The following RASSF6 variants were observed in gnomAD, a reference collection of about 807,000 sequenced individuals.
RASSF6 encodes the protein Ras association domain family member 6.
RASSF6 carries 52 observed loss-of-function variants against 44.0 expected under a neutral mutation model. The ratio of observed to expected loss-of-function variants is 1.18; its 90% confidence interval spans 0.95 to 1.49. The LOEUF is 1.49. RASSF6 is among the 40% of genes most tolerant of loss of function. RASSF6 has a pLI of 0.00. For missense variants in RASSF6, 464 were observed against 393.3 expected (o/e 1.18, Z -1.52); for synonymous variants, 162 against 124.6 (o/e 1.30, Z -2.00).
At chr4:73,582,703 T>G (rs984358073) in intron 6 of RASSF6, among the ~76,000 whole-genome samples, 1 of 151,914 alleles carries the variant, frequency 6.6e-6, no homozygotes, top group Non-Finnish European at 1.5e-5. Context: ...AGAAATGGGG[T>G]GGGTTCAGCA....
Position 73,598,735 on chromosome 4 carries a change from AT to A in RASSF6, c.66-18del, listed in dbSNP as rs753246558. 44 of 773,958 alleles carry A rather than the reference AT, an allele frequency of 5.7e-5. 1 individual carries two copies. Among genetic ancestry groups the A allele is most frequent in the South Asian group, 2.4e-4 (14 of 58,312 alleles). 47.9% of individuals were successfully genotyped at this position (773,958 alleles called of 1,614,324 possible). A position where few individuals can be genotyped will look rare whatever the true frequency, so the allele number is the denominator to read the frequency against. On this transcript the variant is annotated intron_variant, in intron 2 of 10. Coordinates refer to ENST00000307439, the MANE Select transcript of RASSF6 (RefSeq NM_177532.5). ...AGTTGTTCCCTAAAAATAAAAAAAA[AT>A]TAATTACAATCAGTCTTAGAGTTTT...
chr4:73,606,023 A>T (rs1578057316), intron 2 of RASSF6, among the ~76,000 whole-genome samples: 2 of 152,366 alleles, frequency 1.3e-5, no homozygotes, highest in South Asian at 4.1e-4. Flanking sequence ...TCAAAAATCT[A>T]AAAGTTGAAC....
At chr4:73,578,657 G>A (rs1055502239) in intron 8 of RASSF6, among the ~76,000 whole-genome samples, 8 of 144,364 alleles carry the variant, frequency 5.5e-5, no homozygotes, top group African/African-American at 1.3e-4. Flanking sequence ...TTTTTTAGAC[G>A]GAGTGCAATG....
chr4:73,582,839 A>AACAC (rs141094236), intron 6 of RASSF6, among the ~76,000 whole-genome samples: 1,869 of 151,622 alleles, frequency 0.012, 38 homozygotes, highest in African/African-American at 0.041. Flanking sequence ...CCACACATGT[A>AACAC]ACACGCACAC....
At chr4:73,587,352 A>G (rs1447998078) in intron 5 of RASSF6, among the ~76,000 whole-genome samples, 1 of 152,060 alleles carries the variant, frequency 6.6e-6, no homozygotes, top group Non-Finnish European at 1.5e-5. Context: ...AACTCTATCA[A>G]ATATAAAATT....
At chr4:73,580,053 T>C (rs1474215692) in intron 8 of RASSF6, among the ~76,000 whole-genome samples, 4 of 123,756 alleles carry the variant, frequency 3.2e-5, no homozygotes, top group South Asian at 2.9e-4. Context: ...CCCCAGAGTG[T>C]GATGTTCCCC....
At chr4:73,588,012 T>A in intron 4 of RASSF6, 78 bp from the exon 5 acceptor site, 1 of 895,828 alleles carries the variant, frequency 1.1e-6, no homozygotes, top group Non-Finnish European at 1.8e-6. Context: ...TTTACAATAT[T>A]AATATAGTAA....
chr4:73,595,112 C>G (rs1724839851), intron 3 of RASSF6, among the ~76,000 whole-genome samples: 1 of 152,182 alleles, frequency 6.6e-6, no homozygotes, highest in Admixed American at 6.5e-5. Flanking sequence ...ATTGAAAAGT[C>G]TGGTAGCCTC....
At chr4:73,576,385 T>C (rs72858993) in intron 10 of RASSF6, 25 bp downstream of exon 10, 38,055 of 1,477,632 alleles carry the variant, frequency 0.026, 765 homozygotes, top group Middle Eastern at 0.067. Context: ...GAACGGAGTA[T>C]CCAATGTGCA....
At chr4:73,590,701 A>G (rs991935504) in intron 4 of RASSF6, among the ~76,000 whole-genome samples, 3 of 152,202 alleles carry the variant, frequency 2.0e-5, no homozygotes, top group Non-Finnish European at 4.4e-5. Flanking sequence ...CTCTTGGCTA[A>G]TTAATGACAA....
In RASSF6 at chr4:73,598,711, G is replaced by C. The variant is rs772616485; in HGVS notation, c.73C>G (p.Leu25Val). ...TTATAGGTCTTCAATAAAGAATTAA[G>C]TTGTTCCCTAAAAATAAAAAAAAAT... ...NEKTFITREQLNSLLKTYNIF... is the reference protein window; with the variant it reads ...NEKTFITREQVNSLLKTYNIF... The change falls in exon 3 of 11, where the codon CTT (leucine) becomes GTT (valine). Residue 25 changes from leucine to valine, a missense_variant. By Grantham distance (32) the Leu-to-Val change is conservative (BLOSUM62 1). Transcript: ENST00000307439. 2.3e-6 allele frequency: 3 copies of C among 1,310,480 alleles called. No homozygotes were observed. The highest frequency in any genetic ancestry group is 3.1e-6 in the Non-Finnish European group (3 of 975,346). 81.2% of individuals were successfully genotyped at this position (1,310,480 alleles called of 1,614,324 possible).
At chr4:73,589,733 T>C (rs1724382066) in intron 4 of RASSF6, among the ~76,000 whole-genome samples, 1 of 152,154 alleles carries the variant, frequency 6.6e-6, no homozygotes, top group South Asian at 2.1e-4. Context: ...TGGAACTTTA[T>C]GTAATATCAA....
At chr4:73,612,245 T>C (rs2149398154) in intron 1 of RASSF6, among the ~76,000 whole-genome samples, 1 of 152,256 alleles carries the variant, frequency 6.6e-6, no homozygotes, top group South Asian at 2.1e-4. Flanking sequence ...TTAGGTATGA[T>C]GTAATATTTT....
chr4:73,607,690 A>T (rs1176962099), intron 2 of RASSF6, among the ~76,000 whole-genome samples: 1 of 148,642 alleles, frequency 6.7e-6, no homozygotes, highest in African/African-American at 2.5e-5. Flanking sequence ...GAACTCCTGA[A>T]TCAGAAACTC....
intron 1 of RASSF6, among the ~76,000 whole-genome samples, chr4:73,614,766 T>C (rs1311943278): frequency 6.6e-6 from 1 of 152,228 alleles, no homozygotes; most frequent in Non-Finnish European, 1.5e-5. Context: ...GAAGATGTGA[T>C]GAAAGGGTTT....
At chr4:73,594,182 C>T (rs1724773269) in intron 3 of RASSF6, among the ~76,000 whole-genome samples, 2 of 152,120 alleles carry the variant, frequency 1.3e-5, no homozygotes, top group Non-Finnish European at 2.9e-5. Flanking sequence ...ACAAATTTAA[C>T]ATAAATTTTG....
At chr4:73,605,198 C>G (rs1725541518) in intron 2 of RASSF6, among the ~76,000 whole-genome samples, 1 of 152,022 alleles carries the variant, frequency 6.6e-6, no homozygotes, top group Non-Finnish European at 1.5e-5. Flanking sequence ...CCTATAAATT[C>G]TATATAAGAA....
In RASSF6 at chr4:73,574,038, C is replaced by G. The variant is rs1723066872; in HGVS notation, c.*2197G>C. The G allele has an allele frequency of 6.6e-6, 1 of 152,392 alleles. No homozygotes were observed. Among genetic ancestry groups the G allele is most frequent in the South Asian group, 2.1e-4 (1 of 4,840 alleles). The allele number at this position is 152,392 out of a possible 1,614,324, so 9.4% of individuals were successfully genotyped here. The stretch of plus-strand genomic sequence containing the variant: ...GTTGCCTGTAGGGTGCAGCTTTCTC[C>G]AGCATTTCTCCACTTGCTTCTCTAG... On this transcript the variant is annotated 3_prime_UTR_variant, in exon 11 of 11. Coordinates refer to ENST00000307439, the MANE Select transcript of RASSF6 (RefSeq NM_177532.5).
intron 4 of RASSF6, among the ~76,000 whole-genome samples, chr4:73,589,972 T>A (rs375037755): frequency 6.6e-6 from 1 of 152,222 alleles, no homozygotes; most frequent in Admixed American, 6.5e-5. Flanking sequence ...GTGCTCTTTA[T>A]GTTATTCTGT....
Sources: allele counts gnomAD v4.1 joint callset (sites outside exome capture counted in the v4.1 genomes callset), GRCh38; gene constraint gnomAD v4.1.1; transcripts MANE v1.5; gene names NCBI Gene and HGNC (gene_info 2026-07-23, HGNC 2026-07-21).